The following TMC1 variants were observed in gnomAD, a reference collection of about 807,000 sequenced individuals.
The protein encoded by TMC1 is transmembrane channel-like protein 1.
In TMC1, 84 loss-of-function variants were observed where a neutral mutation model predicts 105.8. The ratio of observed to expected loss-of-function variants is 0.79; its 90% CI spans 0.67 to 0.95. The LOEUF (loss-of-function observed/expected upper bound fraction) is 0.95, where lower values mean the gene tolerates loss of function less well. Ranked by LOEUF, TMC1 falls within the 40% of genes least tolerant of loss-of-function variation. The pLI is 0.00. For missense variants in TMC1, 817 were observed against 914.1 expected (o/e 0.89, Z 1.37); for synonymous variants, 315 against 311.5 (o/e 1.01, Z -0.12).
At chr9:72,689,784 G>T (rs767011712) in intron 6 of TMC1, among the ~76,000 whole-genome samples, 2 of 152,012 alleles carry the variant, frequency 1.3e-5, no homozygotes, top group African/African-American at 4.8e-5. Flanking sequence ...GCTACCATTT[G>T]CATGGCCTAT....
chr9:72,647,518 A>G (rs1825734663), intron 4 of TMC1, among the ~76,000 whole-genome samples: 1 of 152,174 alleles, frequency 6.6e-6, no homozygotes, highest in East Asian at 1.9e-4. Flanking sequence ...TTAATTAAGT[A>G]CTCTGGATAT....
chr9:72,822,209 A>T (rs1362788042), intron 20 of TMC1, among the ~76,000 whole-genome samples: 2 of 152,308 alleles, frequency 1.3e-5, no homozygotes. Context: ...GCCAGCATGC[A>T]CTTGAGCTGT....
chr9:72,710,943 T>C (rs2117908011), intron 8 of TMC1, among the ~76,000 whole-genome samples: 1 of 152,196 alleles, frequency 6.6e-6, no homozygotes, highest in Non-Finnish European at 1.5e-5. Context: ...TAGCTCCGCA[T>C]CCCCAAACAG....
At chr9:72,655,402 C>G (rs1158758002) in intron 5 of TMC1, among the ~76,000 whole-genome samples, 5 of 152,154 alleles carry the variant, frequency 3.3e-5, no homozygotes, top group Non-Finnish European at 5.9e-5. Flanking sequence ...AAGGATTTCA[C>G]TCTTCCATAG....
rs960763069 is a variant in TMC1 at position 72,826,192 on chromosome 9, C to T, written c.2004-677C>T. ...AATGAATATTTTGAATATTATGGTACAATTCTAGCTATTCCTTAGTAAGTC... is the reference window on the plus strand; with the variant it reads ...AATGAATATTTTGAATATTATGGTATAATTCTAGCTATTCCTTAGTAAGTC... On this transcript the variant is annotated intron_variant, in intron 20 of 23. Coordinates refer to ENST00000297784, the MANE Select transcript of TMC1 (RefSeq NM_138691.3). Among the ~76,000 whole-genome samples the T allele has an allele frequency of 2.0e-5, 3 of 152,142 alleles. No homozygotes were observed. The South Asian group carries it at 6.2e-4, about 32-fold the overall frequency.
chr9:72,534,405 G>A (rs1023629971), intron 1 of TMC1, among the ~76,000 whole-genome samples: 1 of 152,112 alleles, frequency 6.6e-6, no homozygotes, highest in Non-Finnish European at 1.5e-5. Flanking sequence ...GGGAGGTGGA[G>A]GGAGGTGCTG....
chr9:72,531,993 G>A (rs1348504458), intron 1 of TMC1, among the ~76,000 whole-genome samples: 2 of 151,962 alleles, frequency 1.3e-5, no homozygotes, highest in African/African-American at 4.8e-5. Flanking sequence ...GTGCAGTGGT[G>A]TGATCTTGGC....
intron 5 of TMC1, among the ~76,000 whole-genome samples, chr9:72,664,804 A>G (rs1486190564): frequency 6.6e-6 from 1 of 152,182 alleles, no homozygotes; most frequent in Non-Finnish European, 1.5e-5. Flanking sequence ...TTCTTCCTGG[A>G]CACTGGACAA....
At position 72,740,850 on chromosome 9, in the gene TMC1, C is replaced by CAT. The variant is rs534205652; in HGVS notation, c.453+653_453+654dup. Among the ~76,000 whole-genome samples, 559 of 151,730 alleles carry CAT rather than the reference C, an allele frequency of 3.7e-3. 1 individual carries two copies. The highest frequency in any genetic ancestry group is 0.017 in the East Asian group (90 of 5,162). On this transcript the variant is annotated intron_variant, in intron 9 of 23. Transcript: ENST00000297784. Reference sequence around the variant, plus strand: ...AATAAAGTTCATATATCCTAACTTTCATATATATATATACTCACATACAAT... The same window carrying CAT: ...AATAAAGTTCATATATCCTAACTTTCATATATATATATATACTCACATACAAT...
intron 8 of TMC1, among the ~76,000 whole-genome samples, chr9:72,724,389 C>G (rs1176016872): frequency 6.6e-6 from 1 of 152,162 alleles, no homozygotes; most frequent in East Asian, 1.9e-4. Flanking sequence ...CTAGCCCACT[C>G]TCATGGTAAC....
At chr9:72,810,870 A>G (rs1195061291) in intron 18 of TMC1, among the ~76,000 whole-genome samples, 1 of 152,212 alleles carries the variant, frequency 6.6e-6, no homozygotes, top group African/African-American at 2.4e-5. Context: ...ATCTTCATAG[A>G]TAAATCATAG....
intron 8 of TMC1, among the ~76,000 whole-genome samples, chr9:72,708,735 A>G (rs1826785872): frequency 6.6e-6 from 1 of 152,088 alleles, no homozygotes; most frequent in African/African-American, 2.4e-5. Flanking sequence ...TCACCTCTTT[A>G]CCAATCTGGA....
chr9:72,777,642 T>C (rs1245417680), intron 13 of TMC1, among the ~76,000 whole-genome samples: 2 of 152,220 alleles, frequency 1.3e-5, no homozygotes, highest in African/African-American at 2.4e-5. Flanking sequence ...CCATTTTATA[T>C]TACTACTCTA....
chr9:72,806,417 TC>T (rs2118244722), intron 18 of TMC1, among the ~76,000 whole-genome samples: 1 of 149,358 alleles, frequency 6.7e-6, no homozygotes, highest in Non-Finnish European at 1.5e-5. Context: ...CCCACCTCCC[TC>T]CCGGACGGGG....
chr9:72,685,959 T>A (rs1391035461), intron 5 of TMC1, among the ~76,000 whole-genome samples: 1 of 152,184 alleles, frequency 6.6e-6, no homozygotes, highest in African/African-American at 2.4e-5. Context: ...ATTATAGATT[T>A]AAAAAGAAGC....
intron 23 of TMC1, 36 bp from the exon 24 acceptor site, chr9:72,835,915 G>GTTTTTTTTTTTTTTTTTTTTTCTTT: frequency 7.6e-7 from 1 of 1,314,682 alleles, no homozygotes; most frequent in Admixed American, 2.2e-5. Flanking sequence ...CTCTCTCCTT[G>GTTTTTTTTTTTTTTTTTTTTTCTTT]TTTTTTTTTT....
At chr9:72,801,091 G>A (rs563691463) in intron 17 of TMC1, among the ~76,000 whole-genome samples, 1 of 152,224 alleles carries the variant, frequency 6.6e-6, no homozygotes, top group Non-Finnish European at 1.5e-5. Flanking sequence ...CCTCTGCTTT[G>A]ATTTTCTCCA....
At chr9:72,744,307 G>A (rs1293523233) in intron 10 of TMC1, among the ~76,000 whole-genome samples, 1 of 152,014 alleles carries the variant, frequency 6.6e-6, no homozygotes, top group Non-Finnish European at 1.5e-5. Context: ...CCCAATAGAT[G>A]GGAAATTTAG....
intron 4 of TMC1, among the ~76,000 whole-genome samples, chr9:72,631,948 CAAGGAAGTA>C (rs1825459611): frequency 6.6e-6 from 1 of 152,272 alleles, no homozygotes; most frequent in Middle Eastern, 3.4e-3. Context: ...TGAACGGTGG[CAAGGAAGTA>C]AAGGAATACA....
Sources: gnomAD v4.1 joint callset for allele counts (sites outside exome capture counted in the v4.1 genomes callset) on GRCh38, gnomAD v4.1.1 for gene constraint, MANE v1.5 for transcripts, NCBI Gene and HGNC (gene_info 2026-07-23, HGNC 2026-07-21) for gene names.